The following KCNAB1 variants were observed in gnomAD, a reference collection of about 807,000 sequenced individuals.
KCNAB1 encodes the protein potassium voltage-gated channel subfamily A regulatory beta subunit 1, also known as voltage-gated potassium channel subunit beta-1.
KCNAB1 carries 35 observed loss-of-function variants against 64.6 expected under a neutral mutation model. That is an observed-to-expected ratio of 0.54 (90% confidence interval 0.41 to 0.72). KCNAB1 has a LOEUF of 0.72. Among genes scored for constraint, KCNAB1 ranks in the 30% least tolerant of loss-of-function variants. KCNAB1 has a pLI of 0.00. For missense variants in KCNAB1, 401 were observed against 512.9 expected (o/e 0.78, Z 2.11); for synonymous variants, 177 against 183.8 (o/e 0.96, Z 0.30).
rs1256852951 is a variant in KCNAB1, at chr3:156,536,724, A to G, written c.1237A>G (p.Ser413Gly). 1 of 1,611,622 alleles carries G rather than the reference A, an allele frequency of 6.2e-7. No homozygotes were observed. Among genetic ancestry groups the G allele is most frequent in the African/African-American group, 1.3e-5 (1 of 75,034 alleles). The part of the protein sequence containing the change: ...IDNILRNKPY[S>G]KKDYRS ...TAACATACTGCGCAACAAGCCCTAC[A>G]GCAAGAAGGACTATAGATCATAAGG... is the stretch of plus-strand genomic sequence containing the variant. Residue 413 changes from serine (S) to glycine (G), a missense_variant, in exon 14 of 14, where the codon AGC (serine) becomes GGC (glycine). Physicochemically the swap from Ser to Gly is moderately conservative, Grantham distance 56. Coordinates refer to ENST00000490337, the MANE Select transcript of KCNAB1 (RefSeq NM_172160.3).
intron 12 of KCNAB1, among the ~76,000 whole-genome samples, chr3:156,528,560 T>A (rs370505303): frequency 6.6e-6 from 1 of 152,176 alleles, no homozygotes; most frequent in African/African-American, 2.4e-5. Context: ...GAGTAGGAGC[T>A]TGGAATTCAG....
chr3:156,508,540 T>A lies in KCNAB1; in HGVS notation c.659-5824T>A, dbSNP rs1490867923. 1.3e-5 allele frequency among the ~76,000 whole-genome samples: 2 copies of A among 152,228 alleles called. No individual in the cohort carries two copies. Among genetic ancestry groups the A allele is most frequent in the Non-Finnish European group, 2.9e-5 (2 of 68,044 alleles). On this transcript the variant is annotated intron_variant, in intron 8 of 13. Coordinates refer to ENST00000490337, the MANE Select transcript of KCNAB1 (RefSeq NM_172160.3). This position sits in a 1 kb window ranked among gnomAD's most constrained non-coding sequence, Gnocchi z 4.1. Reference sequence around the variant, plus strand: ...TCTTTGACATAAAATGCATATTTTTTAAAACATTGATGGCCTACATTACTG... The same window carrying A: ...TCTTTGACATAAAATGCATATTTTTAAAAACATTGATGGCCTACATTACTG...
In KCNAB1 at chr3:156,271,292, T is replaced by G. The variant is rs544682535; in HGVS notation, c.276-150324T>G. On this transcript the variant is annotated intron_variant, in intron 1 of 13. Coordinates refer to ENST00000490337, the MANE Select transcript of KCNAB1 (RefSeq NM_172160.3). ...TACACTTTCCACCCCTATCTCTCTATCTCCTTTTTAGGGCCTATAACTCTT... is the reference window on the plus strand; with the variant it reads ...TACACTTTCCACCCCTATCTCTCTAGCTCCTTTTTAGGGCCTATAACTCTT... 2.0e-5 allele frequency among the ~76,000 whole-genome samples: 3 copies of G among 152,290 alleles called. No homozygotes were observed. The South Asian group carries it at 6.2e-4, about 32-fold the overall frequency.
At position 156,312,703 on chromosome 3, in the gene KCNAB1, CAAAAAA is replaced by C. The variant is rs397991453; in HGVS notation, c.276-108890_276-108885del. ...CTAGGTGACAGAGTGAGACTGTCTC[CAAAAAA>C]AAAAAAAAAAAAAAAAAAAAAACTC... On this transcript the variant is annotated intron_variant, in intron 1 of 13. Coordinates refer to ENST00000490337, the MANE Select transcript of KCNAB1 (RefSeq NM_172160.3). Among the ~76,000 whole-genome samples, 196 of 27,404 alleles carry C rather than the reference CAAAAAA, an allele frequency of 7.2e-3. 1 individual carries two copies. Among genetic ancestry groups the C allele is most frequent in the Admixed American group, 0.011 (19 of 1,682 alleles). The allele number at this position is 27,404 out of a possible 152,430, so 18.0% of individuals were successfully genotyped here.
At chr3:156,254,663 C>A (rs1718004973) in intron 1 of KCNAB1, among the ~76,000 whole-genome samples, 1 of 152,178 alleles carries the variant, frequency 6.6e-6, no homozygotes, top group Non-Finnish European at 1.5e-5. Flanking sequence ...GAAAATGTGA[C>A]CTTTCGTTCT....
In KCNAB1 at chr3:156,474,814, A is replaced by G. The variant is rs1714220597; in HGVS notation, c.652A>G (p.Met218Val). The G allele has an allele frequency of 1.9e-6, 3 of 1,611,208 alleles. No individual in the cohort carries two copies. Among genetic ancestry groups the G allele is most frequent in the Non-Finnish European group, 8.5e-7 (1 of 1,177,546 alleles). The stretch of plus-strand genomic sequence containing the variant: ...AAATCGACCGGACAGTAACACTCCC[A>G]TGGAAGGTAAGTTAAGAAAGCTAAT... Reference protein sequence around the residue: ...FANRPDSNTPMEEIVRAMTHV... With the variant: ...FANRPDSNTPVEEIVRAMTHV... The change falls in exon 8 of 14, where the codon ATG becomes GTG. Residue 218 changes from methionine (M) to valine (V), a missense_variant. Met to Val is a conservative substitution (Grantham distance 21). Transcript: ENST00000490337.
intron 1 of KCNAB1, among the ~76,000 whole-genome samples, chr3:156,188,710 TAAC>T (rs892329703): frequency 4.6e-5 from 7 of 152,228 alleles, no homozygotes; most frequent in African/African-American, 1.4e-4. Flanking sequence ...AAAATATACT[TAAC>T]AACGTATGTT....
intron 6 of KCNAB1, among the ~76,000 whole-genome samples, 198 bp from the exon 7 acceptor site, chr3:156,465,445 C>T (rs1163252341): frequency 6.6e-6 from 1 of 152,102 alleles, no homozygotes; most frequent in Admixed American, 6.6e-5. Context: ...TGGTGACAGT[C>T]GTGGATGATT....
Position 156,536,969 on chromosome 3 carries a change from C to A in KCNAB1, c.*222C>A. 1 of 590,376 alleles carries A rather than the reference C, an allele frequency of 1.7e-6. No individual in the cohort carries two copies. The highest frequency in any genetic ancestry group is 2.1e-5 in the South Asian group (1 of 47,270). The allele number at this position is 590,376 out of a possible 1,614,324, so 36.6% of individuals were successfully genotyped here. A position where few individuals can be genotyped will look rare whatever the true frequency, so the allele number is the denominator to read the frequency against. On this transcript the variant is annotated 3_prime_UTR_variant, in exon 14 of 14. Coordinates refer to ENST00000490337, the MANE Select transcript of KCNAB1 (RefSeq NM_172160.3). ...CTATTTTCTTATCTTGGACTGGAGT[C>A]ACCTATTCTTGCATTGCTGTATACA...
chr3:156,481,226 C>T (rs1714772963), intron 8 of KCNAB1, among the ~76,000 whole-genome samples: 1 of 152,118 alleles, frequency 6.6e-6, no homozygotes, highest in African/African-American at 2.4e-5. Context: ...CTGAGTATTA[C>T]TGTATCAATT....
intron 8 of KCNAB1, among the ~76,000 whole-genome samples, chr3:156,478,912 G>A (rs1416780669): frequency 6.6e-6 from 1 of 152,026 alleles, no homozygotes; most frequent in Non-Finnish European, 1.5e-5. Flanking sequence ...AATTCCAAAG[G>A]TGCAATCAGT....
intron 1 of KCNAB1, among the ~76,000 whole-genome samples, chr3:156,376,006 G>C (rs1403842508): frequency 5.3e-5 from 8 of 152,208 alleles, no homozygotes; most frequent in African/African-American, 2.4e-5. Flanking sequence ...TTTTAGTAGA[G>C]ATGGGGTTTC....
chr3:156,371,353 G>A (rs992702536), intron 1 of KCNAB1, among the ~76,000 whole-genome samples: 1 of 152,120 alleles, frequency 6.6e-6, no homozygotes, highest in African/African-American at 2.4e-5. Flanking sequence ...CTACCACAGG[G>A]TTATTGGGAG....
chr3:156,221,756 C>T (rs1260652329), intron 1 of KCNAB1, among the ~76,000 whole-genome samples: 3 of 148,924 alleles, frequency 2.0e-5, no homozygotes, highest in African/African-American at 5.0e-5. Context: ...CCAGCCTGGG[C>T]GAAAAGAGCA....
intron 1 of KCNAB1, among the ~76,000 whole-genome samples, chr3:156,407,111 G>C (rs113372862): frequency 1.2e-4 from 18 of 152,190 alleles, no homozygotes; most frequent in African/African-American, 4.1e-4. Context: ...TCGTGATTGA[G>C]AGGGGTTAAG....
intron 1 of KCNAB1, among the ~76,000 whole-genome samples, chr3:156,154,374 T>C (rs893259174): frequency 6.6e-6 from 1 of 152,186 alleles, no homozygotes; most frequent in East Asian, 1.9e-4. Flanking sequence ...TTTACTCTTT[T>C]CCTCATTTCG....
At chr3:156,360,869 C>T (rs368063821) in intron 1 of KCNAB1, among the ~76,000 whole-genome samples, 2 of 152,314 alleles carry the variant, frequency 1.3e-5, no homozygotes, top group African/African-American at 4.8e-5. Context: ...CTCACCTCCT[C>T]CTCTACTACC....
At chr3:156,360,697 G>C (rs776821289) in intron 1 of KCNAB1, among the ~76,000 whole-genome samples, 3 of 150,456 alleles carry the variant, frequency 2.0e-5, no homozygotes, top group Non-Finnish European at 4.4e-5. Flanking sequence ...CTGGGTGACA[G>C]AGCAAGACTC....
intron 1 of KCNAB1, among the ~76,000 whole-genome samples, chr3:156,341,787 G>C (rs1044371643): frequency 6.6e-6 from 1 of 152,032 alleles, no homozygotes; most frequent in African/African-American, 2.4e-5. Flanking sequence ...CCATAAACTA[G>C]TTTCACAAAA....
Sources: gnomAD v4.1 joint callset for allele counts (sites outside exome capture counted in the v4.1 genomes callset) on GRCh38, gnomAD v4.1.1 for gene constraint, Gnocchi (gnomAD v3.1) non-coding constraint, MANE v1.5 for transcripts, NCBI Gene and HGNC (gene_info 2026-07-23, HGNC 2026-07-21) for gene names.